The following DGLUCY variants were observed in gnomAD, a reference collection of about 807,000 sequenced individuals.
The protein encoded by DGLUCY is D-glutamate cyclase, also known as D-glutamate cyclase, mitochondrial.
In DGLUCY, 58 loss-of-function variants were observed where a neutral mutation model predicts 58.5. The ratio of observed to expected loss-of-function variants is 0.99; its 90% CI spans 0.80 to 1.23. The LOEUF (loss-of-function observed/expected upper bound fraction) is 1.23, where lower values mean the gene tolerates loss of function less well. DGLUCY is among the 50% of genes most tolerant of loss of function. DGLUCY has a pLI of 0.00. For missense variants in DGLUCY, 779 were observed against 784.7 expected (o/e 0.99, Z 0.09); for synonymous variants, 325 against 314.1 (o/e 1.03, Z -0.37).
intron 1 of DGLUCY, among the ~76,000 whole-genome samples, chr14:91,095,214 C>T (rs549030516): frequency 2.6e-4 from 39 of 152,306 alleles, no homozygotes; most frequent in Middle Eastern, 3.4e-3. Context: ...GAACCGCTTT[C>T]CTTCATATCA....
At chr14:91,073,030 A>G (rs1443208062) in intron 1 of DGLUCY, among the ~76,000 whole-genome samples, 2 of 151,766 alleles carry the variant, frequency 1.3e-5, no homozygotes, top group Non-Finnish European at 2.9e-5. Context: ...AATAACAGTC[A>G]TTTTTCTTGA....
chr14:91,172,261 T>G (rs1428640849), intron 5 of DGLUCY, among the ~76,000 whole-genome samples: 1 of 152,034 alleles, frequency 6.6e-6, no homozygotes, highest in Non-Finnish European at 1.5e-5. Context: ...TTTTTTTTGG[T>G]AGAGACAGGG....
chr14:91,082,210 T>C (rs1048244573), intron 1 of DGLUCY, among the ~76,000 whole-genome samples: 24 of 152,200 alleles, frequency 1.6e-4, no homozygotes, highest in African/African-American at 5.5e-4. Context: ...ATTTGTCAGT[T>C]TGACTGCATG....
chr14:91,129,395 T>C (rs1259810430), intron 1 of DGLUCY, among the ~76,000 whole-genome samples: 1 of 151,992 alleles, frequency 6.6e-6, no homozygotes, highest in Non-Finnish European at 1.5e-5. Context: ...CTAAGTACTA[T>C]ATGGTTCGGT....
At chr14:91,207,521 G>A (rs571646658) in intron 12 of DGLUCY, among the ~76,000 whole-genome samples, 1 of 152,078 alleles carries the variant, frequency 6.6e-6, no homozygotes. Context: ...CCATAGATCC[G>A]GGAAGCTGAG....
Position 91,090,058 on chromosome 14 carries a change from G to A in DGLUCY, c.-82+29354G>A, listed in dbSNP as rs1454759970. Reference sequence around the variant, plus strand: ...TGAGGTGCACAAGTGGGGCCCTGACGAAGGAGGAAACATCTGACTGTGCAG... The same window carrying A: ...TGAGGTGCACAAGTGGGGCCCTGACAAAGGAGGAAACATCTGACTGTGCAG... On this transcript the variant is annotated intron_variant, in intron 1 of 4. Transcript: ENST00000521334. 7.2e-5 allele frequency among the ~76,000 whole-genome samples: 11 copies of A among 152,248 alleles called. 1 individual carries two copies. Among genetic ancestry groups the A allele is most frequent in the South Asian group, 6.2e-4 (3 of 4,816 alleles).
chr14:91,222,010 C>A (rs898247193), intron 13 of DGLUCY, among the ~76,000 whole-genome samples: 7 of 152,172 alleles, frequency 4.6e-5, no homozygotes, highest in Admixed American at 2.0e-4. Flanking sequence ...ACTCAGCCAC[C>A]CTGGGGCCTC....
rs535574676 is a variant in DGLUCY, at chr14:91,088,151, A to G, written c.-82+27447A>G. ...CCCATTGGAAATTGCAAGTAAATGT[A>G]GAGAAGTCAGTATATGTGCAAAGTG... is the stretch of plus-strand genomic sequence containing the variant. On this transcript the variant is annotated intron_variant, in intron 1 of 4. Transcript: ENST00000521334. Among the ~76,000 whole-genome samples the G allele has an allele frequency of 2.0e-5, 3 of 152,328 alleles. No individual in the cohort carries two copies. The South Asian group carries it at 6.2e-4, about 32-fold the overall frequency.
intron 7 of DGLUCY, among the ~76,000 whole-genome samples, chr14:91,176,961 T>C (rs2048891475): frequency 7.1e-6 from 1 of 141,184 alleles, no homozygotes; most frequent in Non-Finnish European, 1.5e-5. Context: ...TTCTTCTTTC[T>C]CTCTCTCTCC....
intron 8 of DGLUCY, among the ~76,000 whole-genome samples, chr14:91,183,757 A>G (rs971728011): frequency 6.6e-6 from 1 of 152,244 alleles, no homozygotes; most frequent in Non-Finnish European, 1.5e-5. Flanking sequence ...TGGTCAGGGC[A>G]GAACTTGAAC....
At chr14:91,087,654 C>T (rs1247529735) in intron 1 of DGLUCY, among the ~76,000 whole-genome samples, 1 of 152,118 alleles carries the variant, frequency 6.6e-6, no homozygotes, top group East Asian at 1.9e-4. Context: ...CTGCCTTTGC[C>T]TTTTTAAAAA....
At chr14:91,122,891 G>C (rs1301354737) in intron 1 of DGLUCY, among the ~76,000 whole-genome samples, 1 of 152,200 alleles carries the variant, frequency 6.6e-6, no homozygotes. Context: ...ACAGGCGTGA[G>C]CCACGGTGCT....
chr14:91,083,950 A>G (rs1262062124), intron 1 of DGLUCY, among the ~76,000 whole-genome samples: 2 of 151,948 alleles, frequency 1.3e-5, no homozygotes, highest in African/African-American at 4.8e-5. Context: ...ACTATCCAAA[A>G]TGATCTTGTT....
At chr14:91,092,235 C>A (rs777066605) in intron 1 of DGLUCY, among the ~76,000 whole-genome samples, 1 of 152,216 alleles carries the variant, frequency 6.6e-6, no homozygotes, top group Non-Finnish European at 1.5e-5. Context: ...TACGGCTGCT[C>A]TTCCCAATTA....
chr14:91,153,153 C>G lies in DGLUCY; in HGVS notation c.-81-4486C>G, dbSNP rs184900289. 4.4e-4 allele frequency among the ~76,000 whole-genome samples: 67 copies of G among 152,268 alleles called. 1 individual carries two copies. The East Asian group carries it at 0.013, about 29-fold the overall frequency. Reference sequence around the variant, plus strand: ...GCTGCCTTTGTGTGAGCCACATGCTCTGCCCATCCCTCCTGACAGTGAGCT... The same window carrying G: ...GCTGCCTTTGTGTGAGCCACATGCTGTGCCCATCCCTCCTGACAGTGAGCT... On this transcript the variant is annotated intron_variant, in intron 1 of 13. Transcript: ENST00000256324.
intron 1 of DGLUCY, among the ~76,000 whole-genome samples, chr14:91,108,499 G>GT: frequency 2.6e-4 from 18 of 70,164 alleles, no homozygotes; most frequent in Non-Finnish European, 4.7e-4. Context: ...GTGTGTGTGT[G>GT]TGTGTGTGTG....
chr14:91,220,214 A>T (rs1054030112), intron 13 of DGLUCY, among the ~76,000 whole-genome samples: 1 of 152,182 alleles, frequency 6.6e-6, no homozygotes. Flanking sequence ...GGCTCCGCCC[A>T]CTTCAGCCTG....
At chr14:91,219,039 G>T (rs1202822973) in intron 13 of DGLUCY, among the ~76,000 whole-genome samples, 1 of 151,986 alleles carries the variant, frequency 6.6e-6, no homozygotes, top group Non-Finnish European at 1.5e-5. Flanking sequence ...AATTAGCCAG[G>T]CGTGGTGGCG....
At chr14:91,206,959 A>G (rs969405557) in intron 12 of DGLUCY, among the ~76,000 whole-genome samples, 1 of 152,056 alleles carries the variant, frequency 6.6e-6, no homozygotes, top group African/African-American at 2.4e-5. Context: ...GAAGTGGTAG[A>G]TCAGCCTGGG....
Sources: gnomAD v4.1 joint callset for allele counts (sites outside exome capture counted in the v4.1 genomes callset) on GRCh38, gnomAD v4.1.1 for gene constraint, MANE v1.5 for transcripts, NCBI Gene and HGNC (gene_info 2026-07-23, HGNC 2026-07-21) for gene names.